Variants in ZMYND15 observed in about 807,000 individuals in gnomAD.
ZMYND15 encodes the protein zinc finger MYND-type containing 15.
A neutral mutation model predicts 81.7 loss-of-function variants in ZMYND15; 54 were observed. That is an observed-to-expected ratio of 0.66 (90% CI 0.53 to 0.83). The LOEUF is 0.83. Among genes scored for constraint, ZMYND15 ranks in the 40% least tolerant of loss-of-function variants. The pLI is 0.00. For missense variants in ZMYND15, 925 were observed against 973.5 expected (o/e 0.95, Z 0.66); for synonymous variants, 399 against 387.0 (o/e 1.03, Z -0.36).
chr17:4,744,357 T>C lies in ZMYND15; in HGVS notation c.1585-12T>C, dbSNP rs745755827. ...GGTAGACCCCAGATCTTTCTTTCTTTCTGTCCTTCAGGAGCTTTTGGTCCT... is the reference window on the plus strand; with the variant it reads ...GGTAGACCCCAGATCTTTCTTTCTTCCTGTCCTTCAGGAGCTTTTGGTCCT... On this transcript the variant is annotated splice_polypyrimidine_tract_variant and intron_variant, in intron 9 of 13. Transcript: ENST00000433935. This position sits in a 1 kb window ranked among gnomAD's most constrained non-coding sequence, Gnocchi z 4.1. The C allele has an allele frequency of 6.2e-7, 1 of 1,613,980 alleles. No homozygotes were observed. Among genetic ancestry groups the C allele is most frequent in the African/African-American group, 1.3e-5 (1 of 74,908 alleles).
In ZMYND15 at chr17:4,740,012, C is replaced by T; in HGVS notation, c.-69C>T. On this transcript the variant is annotated 5_prime_UTR_variant, in exon 1 of 14. Transcript: ENST00000433935. Reference sequence around the variant, plus strand: ...ACAACCGCACCCGCGCACCCTCCACCGCGAGGTATTTACCTTCGAAAAGTG... The same window carrying T: ...ACAACCGCACCCGCGCACCCTCCACTGCGAGGTATTTACCTTCGAAAAGTG... 4.1e-6 allele frequency: 4 copies of T among 985,422 alleles called. No individual in the cohort carries two copies. Among genetic ancestry groups the T allele is most frequent in the Non-Finnish European group, 4.8e-6 (4 of 829,966 alleles). The allele number at this position is 985,422 out of a possible 1,614,324, so 61.0% of individuals were successfully genotyped here.
intron 5 of ZMYND15, 38 bp downstream of exon 5, chr17:4,742,529 G>T: frequency 6.2e-7 from 1 of 1,605,432 alleles, no homozygotes; most frequent in Non-Finnish European, 8.5e-7. Context: ...GGGAAACTGG[G>T]ACCAGGTCTT....
chr17:4,741,118 G>C lies in ZMYND15; in HGVS notation c.570G>C (p.Gln190His). The change falls in exon 2 of 14, where the codon CAG (glutamine) becomes CAC (histidine). Residue 190 changes from glutamine (Q) to histidine (H), a missense_variant. Gln to His is a conservative substitution (Grantham distance 24). Coordinates refer to ENST00000433935, the MANE Select transcript of ZMYND15 (RefSeq NM_001136046.3). ...EDRVENETRP[Q>H]KRKGQRSEAA... ...GGGTGGAGAACGAAACAAGACCCCA[G>C]AAGAGGAAGGGACAGAGGAGTGGTA... 1 of 1,501,708 alleles carries C rather than the reference G, an allele frequency of 6.7e-7. No homozygotes were observed. Among genetic ancestry groups the C allele is most frequent in the Non-Finnish European group, 8.9e-7 (1 of 1,119,372 alleles). 93.0% of individuals were successfully genotyped at this position (1,501,708 alleles called of 1,614,324 possible).
Position 4,744,046 on chromosome 17 carries a change from C to T in ZMYND15, c.1434C>T (p.Ala478=), listed in dbSNP as rs544491950. ...GCCTCAGCTTGGACTCCCCCATAGC[C>T]GTGCTTCTCACCTACCCGCTGACCG... ...WRGLSLDSPI[A]VLLTYPLTVY... The change falls in exon 8 of 14, where the codon GCC becomes GCT. Residue 478 remains alanine (A), a synonymous_variant. Transcript: ENST00000433935. The surrounding 1 kb of genome is among the most constrained non-coding windows in gnomAD (Gnocchi z 4.1). The T allele has an allele frequency of 9.0e-6, 14 of 1,554,892 alleles. No individual in the cohort carries two copies. The highest frequency in any genetic ancestry group is 4.7e-5 in the South Asian group (4 of 85,044).
At position 4,743,834 on chromosome 17, in the gene ZMYND15, C is replaced by G; in HGVS notation, c.1365C>G (p.Pro455=). 6.2e-7 allele frequency: 1 copy of G among 1,613,996 alleles called. No homozygotes were observed. Among genetic ancestry groups the G allele is most frequent in the South Asian group, 1.1e-5 (1 of 91,038 alleles). The change falls in exon 7 of 14, where the codon CCC becomes CCG. Residue 455 remains proline (P), a synonymous_variant. Coordinates refer to ENST00000433935, the MANE Select transcript of ZMYND15 (RefSeq NM_001136046.3). The surrounding 1 kb of genome is among the most constrained non-coding windows in gnomAD (Gnocchi z 4.3). ...ALMPPVPPHP[P]RGVFGSWQDY... ...TGCCTCCTGTGCCCCCACATCCACCCCGGGGTGTTTTTGGTGAGCTGGAGG... is the reference window on the plus strand; with the variant it reads ...TGCCTCCTGTGCCCCCACATCCACCGCGGGGTGTTTTTGGTGAGCTGGAGG...
At position 4,740,526 on chromosome 17, in the gene ZMYND15, CG is replaced by C; in HGVS notation, c.-19del. The C allele has an allele frequency of 6.4e-7, 1 of 1,565,208 alleles. No homozygotes were observed. Among genetic ancestry groups the C allele is most frequent in the Admixed American group, 1.8e-5 (1 of 55,556 alleles). ...ATCCCTTCTTTTGCTCAGTCTGGGC[CG>C]GGGCCCTGTGCCGCTGAAGACATGG... On this transcript the variant is annotated 5_prime_UTR_variant, in exon 2 of 14. Coordinates refer to ENST00000433935, the MANE Select transcript of ZMYND15 (RefSeq NM_001136046.3).
rs1011785139 is a variant in ZMYND15, at chr17:4,742,268, T to C, written c.984-63T>C. ...TGACATATGGGCAGCTGCTGGGCAG[T>C]TGAACAGCAGACAGGACCTACAGAG... On this transcript the variant is annotated intron_variant, in intron 4 of 13. Coordinates refer to ENST00000433935, the MANE Select transcript of ZMYND15 (RefSeq NM_001136046.3). 24 of 1,590,240 alleles carry C rather than the reference T, an allele frequency of 1.5e-5. No homozygotes were observed. In the East Asian group the frequency reaches 2.0e-4, roughly 13 times the overall value.
rs576727761 is a variant in ZMYND15 at position 4,745,449 on chromosome 17, C to T, written c.2057+74C>T. 4.1e-4 allele frequency: 621 copies of T among 1,513,478 alleles called. 3 individuals carry two copies. In the African/African-American group the frequency reaches 7.9e-3, roughly 19 times the overall value. 93.8% of individuals were successfully genotyped at this position (1,513,478 alleles called of 1,614,324 possible). A position where few individuals can be genotyped will look rare whatever the true frequency, so the allele number is the denominator to read the frequency against. On this transcript the variant is annotated intron_variant, in intron 13 of 13. Coordinates refer to ENST00000433935, the MANE Select transcript of ZMYND15 (RefSeq NM_001136046.3). The surrounding 1 kb of genome is among the most constrained non-coding windows in gnomAD (Gnocchi z 5.2). ...TCTCTGGCTCCACATCCTCGAAGGC[C>T]CACCTCTACCCTAGTCCCTGCTGTC...
chr17:4,744,477 G>C lies in ZMYND15; in HGVS notation c.1683+10G>C. On this transcript the variant is annotated intron_variant, in intron 10 of 13. Coordinates refer to ENST00000433935, the MANE Select transcript of ZMYND15 (RefSeq NM_001136046.3). The surrounding 1 kb of genome is among the most constrained non-coding windows in gnomAD (Gnocchi z 4.1). Reference sequence around the variant, plus strand: ...TTTTACCCTGCAGAGGGTGAGGGCTGAGGGGGCCCTGCTTTTCAGCCCTGA... The same window carrying C: ...TTTTACCCTGCAGAGGGTGAGGGCTCAGGGGGCCCTGCTTTTCAGCCCTGA... The C allele has an allele frequency of 6.2e-7, 1 of 1,613,744 alleles. No homozygotes were observed.
rs752248930 is a variant in ZMYND15, at chr17:4,744,680, C to T, written c.1739C>T (p.Ser580Phe). ...PGSGISARPS[S>F]GTKEKGGRRD... ...TCCGGCATATCAGCACGGCCCAGCT[C>T]TGGCACTAAGGAGAAAGGGGGCCGC... The change falls in exon 11 of 14, where the codon TCT becomes TTT. Residue 580 changes from serine to phenylalanine, a missense_variant. By Grantham distance (155) the Ser-to-Phe change is radical (BLOSUM62 -2). Coordinates refer to ENST00000433935, the MANE Select transcript of ZMYND15 (RefSeq NM_001136046.3). This position sits in a 1 kb window ranked among gnomAD's most constrained non-coding sequence, Gnocchi z 4.1. The T allele has an allele frequency of 6.2e-7, 1 of 1,613,920 alleles. No individual in the cohort carries two copies. Among genetic ancestry groups the T allele is most frequent in the Non-Finnish European group, 8.5e-7 (1 of 1,180,008 alleles).
chr17:4,743,594 G>A lies in ZMYND15; in HGVS notation c.1297+139G>A, dbSNP rs1916530752. 1 of 1,369,230 alleles carries A rather than the reference G, an allele frequency of 7.3e-7. No homozygotes were observed. Among genetic ancestry groups the A allele is most frequent in the African/African-American group, 1.5e-5 (1 of 68,522 alleles). 84.8% of individuals were successfully genotyped at this position (1,369,230 alleles called of 1,614,324 possible). ...CCAGGGCCATTTCAGGCCTTTCCCAGCCCTCAATGGAATCACCCCTACCAA... is the reference window on the plus strand; with the variant it reads ...CCAGGGCCATTTCAGGCCTTTCCCAACCCTCAATGGAATCACCCCTACCAA... On this transcript the variant is annotated intron_variant, in intron 6 of 13. Coordinates refer to ENST00000433935, the MANE Select transcript of ZMYND15 (RefSeq NM_001136046.3). The surrounding 1 kb of genome is among the most constrained non-coding windows in gnomAD (Gnocchi z 4.3).
Position 4,745,047 on chromosome 17 carries a change from G to A in ZMYND15, c.1896+119G>A. 1 of 1,543,270 alleles carries A rather than the reference G, an allele frequency of 6.5e-7. No individual in the cohort carries two copies. The highest frequency in any genetic ancestry group is 1.1e-5 in the South Asian group (1 of 87,752). ...ACCATCACCTGCTCCACAAACCTGG[G>A]GAGTGCCCACGGGTCCCCCTGCCTC... On this transcript the variant is annotated intron_variant, in intron 12 of 13. Coordinates refer to ENST00000433935, the MANE Select transcript of ZMYND15 (RefSeq NM_001136046.3). The surrounding 1 kb of genome is among the most constrained non-coding windows in gnomAD (Gnocchi z 5.2).
At chr17:4,741,545 T>C (rs771914037) in intron 2 of ZMYND15, 37 bp from the exon 3 acceptor site, 1 of 1,611,062 alleles carries the variant, frequency 6.2e-7, no homozygotes, top group Admixed American at 1.7e-5. Flanking sequence ...TGTCTCTCGC[T>C]GCCCCCTACC....
Position 4,742,385 on chromosome 17 carries a change from G to C in ZMYND15, c.1038G>C (p.Trp346Cys), listed in dbSNP as rs1916466980. 1 of 1,614,072 alleles carries C rather than the reference G, an allele frequency of 6.2e-7. No homozygotes were observed. Among genetic ancestry groups the C allele is most frequent in the Middle Eastern group, 1.6e-4 (1 of 6,080 alleles). The part of the protein sequence containing the change: ...YCGEACLRAD[W>C]QRCPDDVSHR... Reference sequence around the variant, plus strand: ...GAGAGGCTTGTCTCCGGGCTGACTGGCAGCGGTGCCCAGATGATGTGAGTC... The same window carrying C: ...GAGAGGCTTGTCTCCGGGCTGACTGCCAGCGGTGCCCAGATGATGTGAGTC... Residue 346 changes from tryptophan to cysteine, a missense_variant, in exon 5 of 14, where the codon TGG becomes TGC. Trp to Cys is a radical substitution (Grantham distance 215). Transcript: ENST00000433935.
In ZMYND15 at chr17:4,745,428, T is replaced by G; in HGVS notation, c.2057+53T>G. On this transcript the variant is annotated intron_variant, in intron 13 of 13. Coordinates refer to ENST00000433935, the MANE Select transcript of ZMYND15 (RefSeq NM_001136046.3). This position sits in a 1 kb window ranked among gnomAD's most constrained non-coding sequence, Gnocchi z 5.2. ...CTGACCCTTAACTTCTCTTACTCTC[T>G]GGCTCCACATCCTCGAAGGCCCACC... The G allele has an allele frequency of 3.9e-6, 6 of 1,539,290 alleles. No individual in the cohort carries two copies. The highest frequency in any genetic ancestry group is 2.0e-5 in the Admixed American group (1 of 48,846).
In ZMYND15 at chr17:4,744,921, G is replaced by T; in HGVS notation, c.1889G>T (p.Arg630Leu). 5 of 1,614,088 alleles carry T rather than the reference G, an allele frequency of 3.1e-6. No individual in the cohort carries two copies. Among genetic ancestry groups the T allele is most frequent in the Non-Finnish European group, 4.2e-6 (5 of 1,180,008 alleles). Reference protein sequence around the residue: ...LKDTWLRSLPRLQSLRVPAFF... With the variant: ...LKDTWLRSLPLLQSLRVPAFF... ...GATACGTGGCTGAGGTCTCTGCCCC[G>T]GTTACAGGTGGGCAATGGGGGCAAA... is the stretch of plus-strand genomic sequence containing the variant. The change falls in exon 12 of 14, where the codon CGG becomes CTG. Residue 630 changes from arginine to leucine, a missense_variant. By Grantham distance (102) the Arg-to-Leu change is moderately radical. Transcript: ENST00000433935. The surrounding 1 kb of genome is among the most constrained non-coding windows in gnomAD (Gnocchi z 4.1).
Position 4,745,691 on chromosome 17 carries a change from T to C in ZMYND15, c.2058-128T>C. The C allele has an allele frequency of 1.7e-6, 1 of 600,816 alleles. No individual in the cohort carries two copies. 37.2% of individuals were successfully genotyped at this position (600,816 alleles called of 1,614,324 possible). On this transcript the variant is annotated intron_variant, in intron 13 of 13. Transcript: ENST00000433935. The surrounding 1 kb of genome is among the most constrained non-coding windows in gnomAD (Gnocchi z 5.2). ...CAGAGGGGCAAGCCCCGCCCCCTGG[T>C]CCCTGACCGCCCGGTGGAGCCCCGC...
rs140063192 is a variant in ZMYND15 at position 4,741,679 on chromosome 17, C to G, written c.690C>G (p.Thr230=). The G allele has an allele frequency of 2.5e-6, 4 of 1,614,012 alleles. No individual in the cohort carries two copies. The highest frequency in any genetic ancestry group is 3.3e-5 in the Admixed American group (2 of 59,994). The change falls in exon 3 of 14, where the codon ACC becomes ACG. Residue 230 remains threonine (T), a synonymous_variant. Coordinates refer to ENST00000433935, the MANE Select transcript of ZMYND15 (RefSeq NM_001136046.3). The part of the protein sequence containing the change: ...IDLLVDGAQG[T]ASWGSGTKDL... ...TGCTAGTGGATGGAGCCCAGGGAACCGCAAGCTGGGGCTCAGGGACCAAGG... is the reference window on the plus strand; with the variant it reads ...TGCTAGTGGATGGAGCCCAGGGAACGGCAAGCTGGGGCTCAGGGACCAAGG...
intron 4 of ZMYND15, 25 bp downstream of exon 4, chr17:4,742,095 G>A (rs1359387030): frequency 6.2e-7 from 1 of 1,613,214 alleles, no homozygotes; most frequent in East Asian, 2.2e-5. Flanking sequence ...AGCTGGGGGA[G>A]AGGAAGACCC....
Sources: gnomAD v4.1 joint callset for allele counts on GRCh38, gnomAD v4.1.1 for gene constraint, Gnocchi (gnomAD v3.1) non-coding constraint, MANE v1.5 for transcripts, NCBI Gene and HGNC (gene_info 2026-07-23, HGNC 2026-07-21) for gene names.